PZP: variants seen among roughly 807,000 people sequenced by gnomAD.
PZP encodes the protein PZP alpha-2-macroglobulin like.
A neutral mutation model predicts 179.8 loss-of-function variants in PZP; 150 were observed. The observed-to-expected ratio is 0.83, with a 90% CI of 0.73 to 0.96. The LOEUF (loss-of-function observed/expected upper bound fraction) is 0.96, where lower values mean the gene tolerates loss of function less well. PZP is among the 40% of genes least tolerant of loss of function. The pLI, the probability that PZP is intolerant of heterozygous loss-of-function variation, is 0.00. For missense variants in PZP, 1,689 were observed against 1,764.0 expected (o/e 0.96, Z 0.76); for synonymous variants, 624 against 652.3 (o/e 0.96, Z 0.66).
chr12:9,166,807 G>A (rs912527656), intron 17 of PZP, among the ~76,000 whole-genome samples: 2 of 152,176 alleles, frequency 1.3e-5, no homozygotes, highest in Non-Finnish European at 2.9e-5. Flanking sequence ...TGGAATGGCT[G>A]TGTGGTTCAG....
chr12:9,166,472 T>A (rs545776705), intron 17 of PZP, among the ~76,000 whole-genome samples: 20 of 152,094 alleles, frequency 1.3e-4, no homozygotes, highest in Non-Finnish European at 2.4e-4. Context: ...TGGAGACAGT[T>A]TTATGGGTTT....
the PZP span, among the ~76,000 whole-genome samples, chr12:9,138,628 T>C: frequency 6.6e-6 from 1 of 152,048 alleles, no homozygotes; most frequent in Non-Finnish European, 1.5e-5. Flanking sequence ...TATCTGATCC[T>C]GGGTTTTTAT....
At chr12:9,184,849 A>G (rs1170925298) in intron 13 of PZP, among the ~76,000 whole-genome samples, 1 of 152,236 alleles carries the variant, frequency 6.6e-6, no homozygotes, top group Non-Finnish European at 1.5e-5. Context: ...TCTTCTGGTA[A>G]CAAAGTCAGT....
Position 9,153,390 on chromosome 12 carries a change from A to C in PZP, c.3775-47T>G, listed in dbSNP as rs73246383. 7.2e-6 allele frequency: 11 copies of C among 1,527,242 alleles called. No individual in the cohort carries two copies. The African/African-American group carries it at 1.2e-4, about 17-fold the overall frequency. The allele number at this position is 1,527,242 out of a possible 1,614,324, so 94.6% of individuals were successfully genotyped here. A position where few individuals can be genotyped will look rare whatever the true frequency, so the allele number is the denominator to read the frequency against. On this transcript the variant is annotated intron_variant, in intron 29 of 35. Coordinates refer to ENST00000261336, the MANE Select transcript of PZP (RefSeq NM_002864.3). Reference sequence around the variant, plus strand: ...CCGCCCCAAAGAGTAAATTTTTGGCATCTGGGATTTTCCCCCAAAGTCTGT... The same window carrying C: ...CCGCCCCAAAGAGTAAATTTTTGGCCTCTGGGATTTTCCCCCAAAGTCTGT...
chr12:9,144,931 G>T (rs1251287809), downstream of PZP, among the ~76,000 whole-genome samples: 1 of 152,174 alleles, frequency 6.6e-6, no homozygotes, highest in Non-Finnish European at 1.5e-5. Context: ...GGCAGTTTTT[G>T]ATTAAGGGGA....
the PZP span, among the ~76,000 whole-genome samples, chr12:9,137,450 A>G: frequency 1.3e-5 from 2 of 152,160 alleles, no homozygotes; most frequent in African/African-American, 4.8e-5. Context: ...TTTTGAAATT[A>G]GGAAGTGTGA....
Position 9,152,216 on chromosome 12 carries a change from C to T in PZP, c.4212+4G>A, listed in dbSNP as rs776543381. ...GAAGTCTATTAGGATTAAAATACACCTACCATTTTTACTGTTGGTTTCAGG... is the reference window on the plus strand; with the variant it reads ...GAAGTCTATTAGGATTAAAATACACTTACCATTTTTACTGTTGGTTTCAGG... On this transcript the variant is annotated splice_donor_region_variant and intron_variant, in intron 32 of 35. Transcript: ENST00000261336. The T allele has an allele frequency of 6.3e-7, 1 of 1,581,438 alleles. No individual in the cohort carries two copies. The highest frequency in any genetic ancestry group is 8.7e-7 in the Non-Finnish European group (1 of 1,150,446).
In PZP at chr12:9,169,367, C is replaced by T. The variant is rs746260488; in HGVS notation, c.2001+63G>A. The T allele has an allele frequency of 3.6e-6, 5 of 1,399,876 alleles. No individual in the cohort carries two copies. In the East Asian group the frequency reaches 1.2e-4, roughly 32 times the overall value. The allele number at this position is 1,399,876 out of a possible 1,614,324, so 86.7% of individuals were successfully genotyped here. A position where few individuals can be genotyped will look rare whatever the true frequency, so the allele number is the denominator to read the frequency against. ...TAATTACTAAGATTATGAATAGATACAGAGTTTTATTAACATTCAAAAACT... is the reference window on the plus strand; with the variant it reads ...TAATTACTAAGATTATGAATAGATATAGAGTTTTATTAACATTCAAAAACT... On this transcript the variant is annotated intron_variant, in intron 16 of 35. Coordinates refer to ENST00000261336, the MANE Select transcript of PZP (RefSeq NM_002864.3).
Position 9,157,202 on chromosome 12 carries a change from A to G in PZP, c.3523T>C (p.Ser1175Pro), listed in dbSNP as rs1434775712. ...KQNQNREILN[S>P]LDKEAVKEDN... ...TCTTTCACAGCTTCCTTATCAAGTG[A>G]GTTCAGTATTTCTCTATTCTGATTT... is the stretch of plus-strand genomic sequence containing the variant. Residue 1175 changes from serine (S) to proline (P), a missense_variant, in exon 28 of 36, where the codon TCA becomes CCA. Ser to Pro is a moderately conservative substitution (Grantham distance 74). This residue lies in a region of PZP where 746 missense variants were observed against 749.2 expected (regional missense o/e 1.00). Transcript: ENST00000261336. 1.2e-6 allele frequency: 2 copies of G among 1,613,812 alleles called. No homozygotes were observed. Among genetic ancestry groups the G allele is most frequent in the South Asian group, 2.2e-5 (2 of 91,046 alleles).
rs117155383 is a variant in PZP at position 9,186,143 on chromosome 12, C to A, written c.1547-4026G>T. Among the ~76,000 whole-genome samples the A allele has an allele frequency of 4.3e-3, 647 of 152,200 alleles. 1 individual carries two copies. The highest frequency in any genetic ancestry group is 0.01 in the Middle Eastern group (3 of 294). On this transcript the variant is annotated intron_variant, in intron 13 of 35. Coordinates refer to ENST00000261336, the MANE Select transcript of PZP (RefSeq NM_002864.3). ...GAAAATAAATTCCAACCAAGAATTTCATATCTAGCCAAACTAAACTTCATA... is the reference window on the plus strand; with the variant it reads ...GAAAATAAATTCCAACCAAGAATTTAATATCTAGCCAAACTAAACTTCATA...
In PZP at chr12:9,170,951, G is replaced by A. The variant is rs796975230; in HGVS notation, c.1840-1360C>T. On this transcript the variant is annotated intron_variant, in intron 15 of 35. Coordinates refer to ENST00000261336, the MANE Select transcript of PZP (RefSeq NM_002864.3). The surrounding 1 kb of genome is among the most constrained non-coding windows in gnomAD (Gnocchi z 4.6). ...GCTTTGGAGAATACAGGTGATCCAGGTGAGGAAGGATCCCACCCAATGCAG... is the reference window on the plus strand; with the variant it reads ...GCTTTGGAGAATACAGGTGATCCAGATGAGGAAGGATCCCACCCAATGCAG... Among the ~76,000 whole-genome samples, 61 of 152,308 alleles carry A rather than the reference G, an allele frequency of 4.0e-4. No individual in the cohort carries two copies. The highest frequency in any genetic ancestry group is 1.4e-3 in the African/African-American group (60 of 41,570).
At chr12:9,189,499 G>A (rs1175695813) in intron 13 of PZP, among the ~76,000 whole-genome samples, 1 of 152,180 alleles carries the variant, frequency 6.6e-6, no homozygotes, top group Admixed American at 6.5e-5. Flanking sequence ...ACTCAAGATT[G>A]GTTAAAGACT....
At position 9,163,597 on chromosome 12, in the gene PZP, T is replaced by G. The variant is rs1941374423; in HGVS notation, c.2736+71A>C. The G allele has an allele frequency of 3.3e-5, 50 of 1,525,226 alleles. No homozygotes were observed. The South Asian group carries it at 5.6e-4, about 17-fold the overall frequency. The allele number at this position is 1,525,226 out of a possible 1,614,324, so 94.5% of individuals were successfully genotyped here. A position where few individuals can be genotyped will look rare whatever the true frequency, so the allele number is the denominator to read the frequency against. On this transcript the variant is annotated intron_variant, in intron 21 of 35. Coordinates refer to ENST00000261336, the MANE Select transcript of PZP (RefSeq NM_002864.3). Reference sequence around the variant, plus strand: ...TGTGTGAGCATGATATTAATGGTTCTTTGTTGTCTCAAGAGTGACCGCCCG... The same window carrying G: ...TGTGTGAGCATGATATTAATGGTTCGTTGTTGTCTCAAGAGTGACCGCCCG...
At chr12:9,190,617 G>A (rs1370464012) in intron 13 of PZP, among the ~76,000 whole-genome samples, 6 of 152,008 alleles carry the variant, frequency 3.9e-5, no homozygotes, top group South Asian at 2.1e-4. Context: ...CCTGGGTAAC[G>A]AAATAATCTG....
At chr12:9,179,288 T>G (rs771607278) in intron 15 of PZP, among the ~76,000 whole-genome samples, 168 of 152,336 alleles carry the variant, frequency 1.1e-3, no homozygotes, top group African/African-American at 3.8e-3. Flanking sequence ...TTTATTTTGC[T>G]GATCCACCTA....
rs765572307 is a variant in PZP at position 9,165,355 on chromosome 12, C to T, written c.2271G>A (p.Val757=). 15 of 1,613,970 alleles carry T rather than the reference C, an allele frequency of 9.3e-6. No homozygotes were observed. Residue 757 remains valine, a synonymous_variant, in exon 19 of 36, where the codon GTG becomes GTA. Coordinates refer to ENST00000261336, the MANE Select transcript of PZP (RefSeq NM_002864.3). The stretch of plus-strand genomic sequence containing the variant: ...CAGGGACTGTTACTCCTACCTCAGC[C>T]ACACCTGATGAGCTGGGGAGGAGGG... ...WELVAVNSSG[V]AEVGVTVPDT...
Position 9,186,039 on chromosome 12 carries a change from T to C in PZP, c.1547-3922A>G, listed in dbSNP as rs180690640. Among the ~76,000 whole-genome samples the C allele has an allele frequency of 9.9e-4, 151 of 152,030 alleles. 1 individual carries two copies. Among genetic ancestry groups the C allele is most frequent in the South Asian group, 4.2e-3 (20 of 4,812 alleles). ...GCCAGGATGGTCTCGATCTCCTGAC[T>C]TCATGATCTGACCACCTTGACCCCC... On this transcript the variant is annotated intron_variant, in intron 13 of 35. Coordinates refer to ENST00000261336, the MANE Select transcript of PZP (RefSeq NM_002864.3).
Position 9,158,516 on chromosome 12 carries a change from T to G in PZP, c.3198A>C (p.Glu1066Asp). Residue 1066 changes from glutamate (E) to aspartate (D), a missense_variant, in exon 26 of 36, where the codon GAA becomes GAC. This residue lies in a region of PZP where 746 missense variants were observed against 749.2 expected (regional missense o/e 1.00). Transcript: ENST00000261336. ...ACGTGAGAGATTGGGTAATGTGTGC[T>G]TCATCAATGAAGATGTAGGATCGAG... The part of the protein sequence containing the change: ...AQARSYIFID[E>D]AHITQSLTWL... 6.2e-7 allele frequency: 1 copy of G among 1,614,156 alleles called. No individual in the cohort carries two copies. The highest frequency in any genetic ancestry group is 8.5e-7 in the Non-Finnish European group (1 of 1,180,014).
intron 10 of PZP, among the ~76,000 whole-genome samples, chr12:9,194,621 C>T (rs780512068): frequency 1.7e-4 from 26 of 152,110 alleles, no homozygotes; most frequent in African/African-American, 5.5e-4. Flanking sequence ...CCCGCCACCC[C>T]GCCCAGCTAA....
Sources: allele counts gnomAD v4.1 joint callset (sites outside exome capture counted in the v4.1 genomes callset), GRCh38; gene constraint gnomAD v4.1.1; regional missense constraint gnomAD v4.1.1; non-coding constraint Gnocchi (gnomAD v3.1); transcripts MANE v1.5; gene names NCBI Gene and HGNC (gene_info 2026-07-23, HGNC 2026-07-21).